Variants in SEMA3E observed in about 807,000 individuals in gnomAD.
SEMA3E encodes the protein semaphorin 3E.
In SEMA3E, 49 loss-of-function variants were observed where a neutral mutation model predicts 93.6. The observed-to-expected ratio is 0.52, with a 90% CI of 0.42 to 0.66. The LOEUF (loss-of-function observed/expected upper bound fraction) is 0.66, where lower values mean the gene tolerates loss of function less well. Ranked by LOEUF, SEMA3E falls within the 30% of genes least tolerant of loss-of-function variation. The pLI is 0.00. For synonymous variants in SEMA3E, 363 were observed against 330.7 expected (o/e 1.10, Z -1.06); for missense variants, 906 against 964.8 (o/e 0.94, Z 0.81).
intron 1 of SEMA3E, among the ~76,000 whole-genome samples, chr7:83,645,569 C>T (rs537829956): frequency 6.6e-6 from 1 of 152,012 alleles, no homozygotes; most frequent in Non-Finnish European, 1.5e-5. Context: ...CAGGCTTGCC[C>T]TAAGCCAGTA....
At chr7:83,436,157 T>C (rs538055593) in intron 4 of SEMA3E, among the ~76,000 whole-genome samples, 2 of 151,988 alleles carry the variant, frequency 1.3e-5, no homozygotes, top group East Asian at 3.9e-4. Context: ...CATTATGTTT[T>C]ATAGTAGTTC....
At chr7:83,388,267 C>T (rs1040214694) in intron 14 of SEMA3E, among the ~76,000 whole-genome samples, 2 of 147,958 alleles carry the variant, frequency 1.4e-5, no homozygotes, top group Non-Finnish European at 3.0e-5. Flanking sequence ...CAAGATTGCA[C>T]CACTGCACTC....
rs1788127791 is a variant in SEMA3E, at chr7:83,396,620, A to G, written c.1458+18T>C. 2 of 1,498,062 alleles carry G rather than the reference A, an allele frequency of 1.3e-6. No homozygotes were observed. The highest frequency in any genetic ancestry group is 2.3e-5 in the East Asian group (1 of 44,126). The allele number at this position is 1,498,062 out of a possible 1,614,324, so 92.8% of individuals were successfully genotyped here. ...GTTGTAATGCATAAATTTGGTCTGTATTTTTTGCTTTAAATACCTTGAATA... is the reference window on the plus strand; with the variant it reads ...GTTGTAATGCATAAATTTGGTCTGTGTTTTTTGCTTTAAATACCTTGAATA... On this transcript the variant is annotated intron_variant, in intron 12 of 16. Transcript: ENST00000643230.
chr7:83,541,291 G>C (rs1791525492), intron 1 of SEMA3E, among the ~76,000 whole-genome samples: 1 of 152,116 alleles, frequency 6.6e-6, no homozygotes, highest in South Asian at 2.1e-4. Flanking sequence ...TGAAAGCAGG[G>C]ATCATGTCTA....
At chr7:83,634,349 T>C (rs1175201356) in intron 1 of SEMA3E, among the ~76,000 whole-genome samples, 1 of 152,184 alleles carries the variant, frequency 6.6e-6, no homozygotes, top group Non-Finnish European at 1.5e-5. Flanking sequence ...TATTCTTGTT[T>C]AACTTTATTA....
At chr7:83,576,557 A>G (rs965951128) in intron 1 of SEMA3E, among the ~76,000 whole-genome samples, 16 of 152,158 alleles carry the variant, frequency 1.1e-4, no homozygotes, top group Non-Finnish European at 2.1e-4. Flanking sequence ...TCAATATCCA[A>G]GATGAATGTG....
intron 4 of SEMA3E, among the ~76,000 whole-genome samples, chr7:83,460,954 TC>T (rs1789603819): frequency 6.6e-6 from 1 of 151,928 alleles, no homozygotes; most frequent in Non-Finnish European, 1.5e-5. Context: ...CTCCTTCTAC[TC>T]CCTTGGCCTG....
At chr7:83,635,657 T>A (rs1192441398) in intron 1 of SEMA3E, among the ~76,000 whole-genome samples, 2 of 152,016 alleles carry the variant, frequency 1.3e-5, no homozygotes, top group Non-Finnish European at 2.9e-5. Flanking sequence ...TTTCTTGGCT[T>A]ATAGATATAG....
intron 4 of SEMA3E, among the ~76,000 whole-genome samples, chr7:83,450,392 T>C (rs1385380817): frequency 1.5e-5 from 2 of 133,094 alleles, no homozygotes; most frequent in Non-Finnish European, 3.3e-5. Flanking sequence ...GGAAAGTAAA[T>C]TGTGTTATAT....
At chr7:83,466,635 G>A (rs1185684952) in intron 3 of SEMA3E, 34 bp from the exon 4 acceptor site, 1 of 1,609,700 alleles carries the variant, frequency 6.2e-7, no homozygotes, top group East Asian at 2.2e-5. Context: ...GAATCTATCA[G>A]TATAATAAAC....
intron 1 of SEMA3E, among the ~76,000 whole-genome samples, chr7:83,572,468 G>T (rs555460404): frequency 6.6e-6 from 1 of 151,978 alleles, no homozygotes; most frequent in Admixed American, 6.5e-5. Context: ...GTGAAACCCC[G>T]TCTCTACTAA....
chr7:83,622,807 A>C (rs1023198194), intron 1 of SEMA3E, among the ~76,000 whole-genome samples: 6 of 152,096 alleles, frequency 3.9e-5, no homozygotes, highest in Non-Finnish European at 7.4e-5. Context: ...ATAGAGTAAA[A>C]CAACACACAC....
intron 1 of SEMA3E, among the ~76,000 whole-genome samples, chr7:83,498,223 T>C (rs1395624864): frequency 6.6e-6 from 1 of 152,156 alleles, no homozygotes; most frequent in Non-Finnish European, 1.5e-5. Context: ...TTAGTAATGT[T>C]TTCGGGGATT....
chr7:83,535,857 C>G (rs970521959), intron 1 of SEMA3E, among the ~76,000 whole-genome samples: 2 of 152,162 alleles, frequency 1.3e-5, no homozygotes, highest in African/African-American at 4.8e-5. Flanking sequence ...ATTATTAAAG[C>G]TGCACTAAAT....
intron 4 of SEMA3E, among the ~76,000 whole-genome samples, chr7:83,455,064 T>C (rs1214071269): frequency 6.6e-6 from 1 of 152,236 alleles, no homozygotes; most frequent in Non-Finnish European, 1.5e-5. Context: ...CTTTCTGCAC[T>C]AGAGGAAACT....
chr7:83,410,032 TA>T (rs1002663072), intron 5 of SEMA3E, among the ~76,000 whole-genome samples: 2 of 151,618 alleles, frequency 1.3e-5, no homozygotes, highest in African/African-American at 2.4e-5. Context: ...ACTCAAAGAT[TA>T]AAAAAATAAG....
At chr7:83,560,579 C>T (rs1194484599) in intron 1 of SEMA3E, among the ~76,000 whole-genome samples, 1 of 151,972 alleles carries the variant, frequency 6.6e-6, no homozygotes, top group Non-Finnish European at 1.5e-5. Flanking sequence ...TTTCAAAATT[C>T]CTTATTTCCT....
intron 4 of SEMA3E, among the ~76,000 whole-genome samples, chr7:83,448,527 C>G (rs1159582599): frequency 6.6e-6 from 1 of 151,974 alleles, no homozygotes; most frequent in Non-Finnish European, 1.5e-5. Context: ...AAAAACAAAA[C>G]AAAACAAAAT....
At chr7:83,376,691 A>G (rs956484752) in intron 16 of SEMA3E, among the ~76,000 whole-genome samples, 1 of 152,016 alleles carries the variant, frequency 6.6e-6, no homozygotes, top group Non-Finnish European at 1.5e-5. Context: ...GCAAAGCACA[A>G]TTAAAGTTTA....
Sources: allele counts gnomAD v4.1 joint callset (sites outside exome capture counted in the v4.1 genomes callset), GRCh38; gene constraint gnomAD v4.1.1; transcripts MANE v1.5; gene names NCBI Gene and HGNC (gene_info 2026-07-23, HGNC 2026-07-21).